Variants in LRRN4 observed in about 807,000 individuals in gnomAD.
LRRN4 encodes leucine rich repeat neuronal 4.
LRRN4 carries 26 observed loss-of-function variants against 22.3 expected under a neutral mutation model. That is an observed-to-expected ratio of 1.16 (90% confidence interval 0.85 to 1.62). LRRN4 has a LOEUF of 1.62. Ranked by LOEUF, LRRN4 falls within the 40% of genes most tolerant of loss-of-function variation. The probability of loss-of-function intolerance (pLI) is 0.00; values close to 1 mark genes in which losing one functional copy is unlikely to be tolerated. For synonymous variants in LRRN4, 496 were observed against 486.2 expected (o/e 1.02, Z -0.26); for missense variants, 1,070 against 1,008.5 (o/e 1.06, Z -0.83).
In LRRN4 at chr20:6,052,137, G is replaced by A; in HGVS notation, c.655+8C>T. Reference sequence around the variant, plus strand: ...GGCCGGCTGAAAACGCGGGGCGCCCGGACTCACCCCGTTCAAGGAACGTGC... The same window carrying A: ...GGCCGGCTGAAAACGCGGGGCGCCCAGACTCACCCCGTTCAAGGAACGTGC... On this transcript the variant is annotated splice_region_variant and intron_variant, in intron 2 of 4. Transcript: ENST00000378858. The A allele has an allele frequency of 1.3e-6, 2 of 1,584,126 alleles. No homozygotes were observed. Among genetic ancestry groups the A allele is most frequent in the Non-Finnish European group, 1.7e-6 (2 of 1,166,110 alleles).
Position 6,041,099 on chromosome 20 carries a change from G to C in LRRN4, c.2146C>G (p.Arg716Gly), listed in dbSNP as rs756574056. 5 of 1,613,124 alleles carry C rather than the reference G, an allele frequency of 3.1e-6. No individual in the cohort carries two copies. The Admixed American group carries it at 6.7e-5, about 22-fold the overall frequency. ...CRRGQTLGLQ[R>G]CDTHLVAYKN... ...TAGGCCACCAGGTGCGTGTCGCAGC[G>C]CTGCAGGCCCAGCGTCTGGCCCCGC... Residue 716 changes from arginine to glycine, a missense_variant, in exon 5 of 5, where the codon CGC becomes GGC. Arg to Gly is a moderately radical substitution (Grantham distance 125, BLOSUM62 -2). Coordinates refer to ENST00000378858, the MANE Select transcript of LRRN4 (RefSeq NM_152611.5). The surrounding 1 kb of genome is among the most constrained non-coding windows in gnomAD (Gnocchi z 9.4).
rs1172530753 is a variant in LRRN4 at position 6,052,755 on chromosome 20, G to A, written c.45C>T (p.Pro15=). The A allele has an allele frequency of 1.3e-6, 2 of 1,574,942 alleles. No homozygotes were observed. The highest frequency in any genetic ancestry group is 1.1e-5 in the South Asian group (1 of 87,060). ...LPLLLLTVLR[P]SWADPPQEKV... The stretch of plus-strand genomic sequence containing the variant: ...TCTCCTGGGGAGGGTCTGCCCAGCT[G>A]GGGCGCAGCACCGTCAGCAGCAGCA... Residue 15 remains proline, a synonymous_variant, in exon 2 of 5, where the codon CCC becomes CCT. Coordinates refer to ENST00000378858, the MANE Select transcript of LRRN4 (RefSeq NM_152611.5).
chr20:6,045,969 C>A (rs938252586), intron 3 of LRRN4, among the ~76,000 whole-genome samples: 4 of 149,130 alleles, frequency 2.7e-5, no homozygotes, highest in African/African-American at 9.8e-5. Context: ...TGGCCCCAAG[C>A]AAATCACAAG....
At position 6,041,407 on chromosome 20, in the gene LRRN4, CG is replaced by C. The variant is rs1212511439; in HGVS notation, c.1837del (p.Arg613AlafsTer47). On this transcript the variant is annotated frameshift_variant, in exon 5 of 5. Coordinates refer to ENST00000378858, the MANE Select transcript of LRRN4 (RefSeq NM_152611.5). LOFTEE classifies it low-confidence loss of function (END_TRUNC). The surrounding 1 kb of genome is among the most constrained non-coding windows in gnomAD (Gnocchi z 9.4). The part of the protein sequence containing the change: ...PNSVVHGYQI[R>X]YSAEGWAGNQ... ...CCCCGCCCAGCCCTCCGCAGAGTAG[CG>C]GATCTGGTACCCATGCACTACCGAG... 1 of 1,567,670 alleles carries C rather than the reference CG, an allele frequency of 6.4e-7. No individual in the cohort carries two copies. Among genetic ancestry groups the C allele is most frequent in the African/African-American group, 1.4e-5 (1 of 73,908 alleles).
At position 6,040,676 on chromosome 20, in the gene LRRN4, T is replaced by A. The variant is rs376655620; in HGVS notation, c.*346A>T. On this transcript the variant is annotated 3_prime_UTR_variant, in exon 5 of 5. Transcript: ENST00000378858. ...CAAAGAGGCTGGGTTATGCAACTTC[T>A]CTGTTTCATCCCTTCCTACGTCCAT... 1.0e-4 allele frequency: 24 copies of A among 232,448 alleles called. No individual in the cohort carries two copies. Among genetic ancestry groups the A allele is most frequent in the African/African-American group, 4.9e-4 (21 of 43,246 alleles). The allele number at this position is 232,448 out of a possible 1,614,324, so 14.4% of individuals were successfully genotyped here.
Position 6,040,950 on chromosome 20 carries a change from T to TG in LRRN4, c.*71_*72insC. 9.5e-6 allele frequency: 15 copies of TG among 1,579,314 alleles called. No individual in the cohort carries two copies. Among genetic ancestry groups the TG allele is most frequent in the South Asian group, 1.2e-5 (1 of 85,446 alleles). On this transcript the variant is annotated 3_prime_UTR_variant, in exon 5 of 5. Coordinates refer to ENST00000378858, the MANE Select transcript of LRRN4 (RefSeq NM_152611.5). ...GAAACCCTAGGAGCGGATGGGGTCGTTTTTGACCGTCTGTGTCTTCCTTTT... is the reference window on the plus strand; with the variant it reads ...GAAACCCTAGGAGCGGATGGGGTCGTGTTTTGACCGTCTGTGTCTTCCTTTT...
chr20:6,050,029 A>G (rs1203374855), intron 3 of LRRN4, among the ~76,000 whole-genome samples: 1 of 151,922 alleles, frequency 6.6e-6, no homozygotes, highest in East Asian at 1.9e-4. Context: ...TACATAAACC[A>G]TATACTTTTT....
At position 6,052,387 on chromosome 20, in the gene LRRN4, G is replaced by A. The variant is rs6107751; in HGVS notation, c.413C>T (p.Pro138Leu). 0.16 allele frequency: 240,941 copies of A among 1,525,710 alleles called. 19,908 individuals are homozygous for A. Among genetic ancestry groups the A allele is most frequent in the Middle Eastern group, 0.24 (1,089 of 4,508 alleles). 94.5% of individuals were successfully genotyped at this position (1,525,710 alleles called of 1,614,324 possible). Residue 138 changes from proline (P) to leucine (L), a missense_variant, in exon 2 of 5, where the codon CCG becomes CTG. By Grantham distance (98) the Pro-to-Leu change is moderately conservative. Transcript: ENST00000378858. ...GCTCAGCGCGGGCCCGGTGCACGGC[G>A]GCAGAGCGGCCAGCTGGTTGTAGCT... is the stretch of plus-strand genomic sequence containing the variant. ...DLSYNQLAAL[P>L]PCTGPALSSL... is the part of the protein sequence containing the mutation.
At chr20:6,050,727 G>C in intron 3 of LRRN4, 52 bp downstream of exon 3, 1 of 1,543,036 alleles carries the variant, frequency 6.5e-7, no homozygotes, top group South Asian at 1.1e-5. Context: ...TCAACATAGC[G>C]TAATGGGCAA....
chr20:6,042,266 G>A lies in LRRN4; in HGVS notation c.999-20C>T. ...GCTGCCCTGGAGGGGAGGCCAACCA[G>A]TTAGAAGACGTCTGGCTTCAGGGAC... On this transcript the variant is annotated intron_variant, in intron 4 of 4. Transcript: ENST00000378858. The A allele has an allele frequency of 6.3e-7, 1 of 1,588,702 alleles. No individual in the cohort carries two copies. Among genetic ancestry groups the A allele is most frequent in the Non-Finnish European group, 8.6e-7 (1 of 1,168,140 alleles).
At chr20:6,047,426 A>T (rs114878369) in intron 3 of LRRN4, among the ~76,000 whole-genome samples, 13 of 30,724 alleles carry the variant, frequency 4.2e-4, no homozygotes, top group African/African-American at 1.0e-3. Flanking sequence ...AGACACACAT[A>T]CACACACACA....
chr20:6,044,223 C>T (rs999514912), intron 4 of LRRN4, among the ~76,000 whole-genome samples: 1 of 152,226 alleles, frequency 6.6e-6, no homozygotes, highest in African/African-American at 2.4e-5. Context: ...TTAAGCCAGA[C>T]TACACTTCCC....
rs1981277853 is a variant in LRRN4 at position 6,052,420 on chromosome 20, A to T, written c.380T>A (p.Leu127Gln). 3 of 1,545,268 alleles carry T rather than the reference A, an allele frequency of 1.9e-6. No homozygotes were observed. The South Asian group carries it at 3.5e-5, about 18-fold the overall frequency. ...GPGGPAGLHT[L>Q]DLSYNQLAAL... ...GGCCAGCTGGTTGTAGCTGAGGTCCAGGGTGTGCAGCCCCGCCGGCCCACC... is the reference window on the plus strand; with the variant it reads ...GGCCAGCTGGTTGTAGCTGAGGTCCTGGGTGTGCAGCCCCGCCGGCCCACC... The change falls in exon 2 of 5, where the codon CTG becomes CAG. Residue 127 changes from leucine to glutamine, a missense_variant. Transcript: ENST00000378858.
In LRRN4 at chr20:6,052,502, G is replaced by C. The variant is rs1472137344; in HGVS notation, c.298C>G (p.Gln100Glu). Reference sequence around the variant, plus strand: ...TGGCGCAGGGTCAGCACCTGCAGCTGCTCCAGGTGGCCGAGCTCGGAAGTG... The same window carrying C: ...TGGCGCAGGGTCAGCACCTGCAGCTCCTCCAGGTGGCCGAGCTCGGAAGTG... ...LSTSELGHLE[Q>E]LQVLTLRHNR... Residue 100 changes from glutamine to glutamate, a missense_variant, in exon 2 of 5, where the codon CAG becomes GAG. Gln to Glu is a conservative substitution (Grantham distance 29). Coordinates refer to ENST00000378858, the MANE Select transcript of LRRN4 (RefSeq NM_152611.5). 6.3e-7 allele frequency: 1 copy of C among 1,580,866 alleles called. No individual in the cohort carries two copies. Among genetic ancestry groups the C allele is most frequent in the Admixed American group, 1.8e-5 (1 of 56,682 alleles).
At chr20:6,044,407 C>G in intron 4 of LRRN4, 136 bp downstream of exon 4, 1 of 877,070 alleles carries the variant, frequency 1.1e-6, no homozygotes, top group Non-Finnish European at 1.5e-6. Flanking sequence ...CTGAGTATGA[C>G]TACATGGGAA....
Position 6,040,880 on chromosome 20 carries a change from G to T in LRRN4, c.*142C>A, listed in dbSNP as rs899186785. 1.8e-6 allele frequency: 2 copies of T among 1,123,876 alleles called. No individual in the cohort carries two copies. The highest frequency in any genetic ancestry group is 1.6e-5 in the African/African-American group (1 of 63,596). 69.6% of individuals were successfully genotyped at this position (1,123,876 alleles called of 1,614,324 possible). A position where few individuals can be genotyped will look rare whatever the true frequency, so the allele number is the denominator to read the frequency against. Reference sequence around the variant, plus strand: ...TCCTTGGACCCAGACACTCAGTGTGGCAAGTTCCATGTGTGCTCAAGGCAT... The same window carrying T: ...TCCTTGGACCCAGACACTCAGTGTGTCAAGTTCCATGTGTGCTCAAGGCAT... On this transcript the variant is annotated 3_prime_UTR_variant, in exon 5 of 5. Transcript: ENST00000378858.
chr20:6,042,068 CGCTGGGCGCGA>C lies in LRRN4; in HGVS notation c.1166_1176del (p.Val389GlyfsTer19). ...CCCGCAGGCCGGGTGGCGGGGGCTG[CGCTGGGCGCGA>C]CGGTGGTACCCTGTGCGTAGGTGGA... On this transcript the variant is annotated frameshift_variant, in exon 5 of 5. Transcript: ENST00000378858. LOFTEE classifies it low-confidence loss of function (END_TRUNC). 1 of 1,613,966 alleles carries C rather than the reference CGCTGGGCGCGA, an allele frequency of 6.2e-7. No individual in the cohort carries two copies. Among genetic ancestry groups the C allele is most frequent in the Non-Finnish European group, 8.5e-7 (1 of 1,179,934 alleles).
At chr20:6,043,704 G>GAGAAC (rs1981026549) in intron 4 of LRRN4, among the ~76,000 whole-genome samples, 1 of 152,080 alleles carries the variant, frequency 6.6e-6, no homozygotes, top group East Asian at 1.9e-4. Context: ...CCAGGAGTTT[G>GAGAAC]AGAACAGCCT....
chr20:6,051,784 T>C (rs1419902130), intron 2 of LRRN4, among the ~76,000 whole-genome samples: 4 of 152,212 alleles, frequency 2.6e-5, no homozygotes, highest in African/African-American at 9.6e-5. Flanking sequence ...CAAGCACTTA[T>C]CCAGCCATGC....
Sources: gnomAD v4.1 joint callset for allele counts (sites outside exome capture counted in the v4.1 genomes callset) on GRCh38, gnomAD v4.1.1 for gene constraint, Gnocchi (gnomAD v3.1) non-coding constraint, MANE v1.5 for transcripts, NCBI Gene and HGNC (gene_info 2026-07-23, HGNC 2026-07-21) for gene names.